Variants in ACO1 observed in about 807,000 individuals in gnomAD.
ACO1 encodes the protein aconitase 1.
ACO1 carries 78 observed loss-of-function variants against 105.1 expected under a neutral mutation model. The observed-to-expected ratio is 0.74, with a 90% confidence interval of 0.62 to 0.90. The LOEUF (loss-of-function observed/expected upper bound fraction) is 0.90. Among genes scored for constraint, ACO1 ranks in the 40% least tolerant of loss-of-function variants. ACO1 has a pLI of 0.00. For missense variants in ACO1, 965 were observed against 1,111.1 expected (o/e 0.87, Z 1.87); for synonymous variants, 364 against 397.4 (o/e 0.92, Z 1.00).
At chr9:32,392,412 T>G (rs1055652346) in intron 1 of ACO1, among the ~76,000 whole-genome samples, 1 of 152,188 alleles carries the variant, frequency 6.6e-6, no homozygotes, top group Admixed American at 6.5e-5. Context: ...GGAATTGGAT[T>G]AGATGCCTGG....
intron 19 of ACO1, among the ~76,000 whole-genome samples, chr9:32,444,595 A>C (rs1015344244): frequency 6.6e-6 from 1 of 151,822 alleles, no homozygotes; most frequent in Non-Finnish European, 1.5e-5. Flanking sequence ...GCATTTTTTC[A>C]TATGTTTGTT....
chr9:32,411,497 G>A (rs1012953638), intron 4 of ACO1, among the ~76,000 whole-genome samples: 1 of 152,206 alleles, frequency 6.6e-6, no homozygotes, highest in East Asian at 1.9e-4. Context: ...GAAAAATATG[G>A]CAAAGTGTTA....
intron 1 of ACO1, among the ~76,000 whole-genome samples, chr9:32,392,735 G>A (rs1008710529): frequency 2.6e-5 from 4 of 152,162 alleles, no homozygotes; most frequent in African/African-American, 9.7e-5. Flanking sequence ...CATAACTGTT[G>A]CGGGAGGTCA....
At chr9:32,404,276 C>A (rs1406398711) in intron 1 of ACO1, among the ~76,000 whole-genome samples, 1 of 152,188 alleles carries the variant, frequency 6.6e-6, no homozygotes. Context: ...AGATTTCCCC[C>A]CATTCACCCA....
intron 17 of ACO1, chr9:32,435,854 C>T (rs1457667095): frequency 1.8e-5 from 6 of 342,756 alleles, no homozygotes; most frequent in Non-Finnish European, 2.9e-5. Context: ...TTTGTGGCTC[C>T]ATCTGATTTG....
chr9:32,414,840 C>T (rs1471021973), intron 4 of ACO1, among the ~76,000 whole-genome samples: 9 of 152,138 alleles, frequency 5.9e-5, no homozygotes, highest in Non-Finnish European at 2.9e-5. Context: ...ATCCATTTAG[C>T]AGATCTATTA....
intron 7 of ACO1, among the ~76,000 whole-genome samples, chr9:32,420,616 A>C (rs1821951606): frequency 6.6e-6 from 1 of 152,218 alleles, no homozygotes; most frequent in South Asian, 2.1e-4. Context: ...TCTTAACTAC[A>C]GACTTTACCA....
intron 9 of ACO1, 148 bp downstream of exon 9, chr9:32,423,567 C>A: frequency 1.5e-6 from 1 of 656,278 alleles, no homozygotes; most frequent in African/African-American, 1.9e-5. Flanking sequence ...GTTGAAAAAC[C>A]AAAAGGATAA....
rs1822750288 is a variant in ACO1, at chr9:32,450,807, G to GAATGAAATGAAATCTATTTT, written c.*697_*716dup. 1 of 152,116 alleles carries GAATGAAATGAAATCTATTTT rather than the reference G, an allele frequency of 6.6e-6. No homozygotes were observed. The highest frequency in any genetic ancestry group is 1.5e-5 in the Non-Finnish European group (1 of 68,022). The allele number at this position is 152,116 out of a possible 1,614,324, so 9.4% of individuals were successfully genotyped here. On this transcript the variant is annotated 3_prime_UTR_variant, in exon 21 of 21. Transcript: ENST00000309951. ...GTTTGGGAGAACACATTTCTAATTT[G>GAATGAAATGAAATCTATTTT]AATGAAATGAAATCTATTTTCAGTG...
chr9:32,411,045 AG>A (rs1378344537), intron 4 of ACO1, among the ~76,000 whole-genome samples: 1 of 152,104 alleles, frequency 6.6e-6, no homozygotes. Flanking sequence ...GAAAACACAC[AG>A]TATCTCTAAG....
At chr9:32,386,647 C>T (rs1247258927) in intron 1 of ACO1, among the ~76,000 whole-genome samples, 2 of 152,140 alleles carry the variant, frequency 1.3e-5, no homozygotes, top group African/African-American at 4.8e-5. Flanking sequence ...TGCACATGAG[C>T]GTGTTGTGTG....
intron 1 of ACO1, among the ~76,000 whole-genome samples, chr9:32,401,066 T>G (rs1821485207): frequency 6.6e-6 from 1 of 152,160 alleles, no homozygotes; most frequent in Non-Finnish European, 1.5e-5. Context: ...ATCTTGAATC[T>G]GAGTAAGGGA....
At position 32,407,376 on chromosome 9, in the gene ACO1, C is replaced by G. The variant is rs757649438; in HGVS notation, c.213C>G (p.His71Gln). The change falls in exon 3 of 21, where the codon CAC (histidine) becomes CAG (glutamine). Residue 71 changes from histidine to glutamine, a missense_variant. Transcript: ENST00000309951. ...TTCTACATTGGAATGTCACGCAGCA[C>G]AAGAACATAGAAGTGCCATTTAAGC... ...ENILHWNVTQ[H>Q]KNIEVPFKPA... 1 of 1,613,990 alleles carries G rather than the reference C, an allele frequency of 6.2e-7. No individual in the cohort carries two copies. The highest frequency in any genetic ancestry group is 1.3e-5 in the African/African-American group (1 of 74,910).
intron 4 of ACO1, among the ~76,000 whole-genome samples, chr9:32,414,027 T>C (rs1489783164): frequency 6.6e-6 from 1 of 152,094 alleles, no homozygotes; most frequent in Non-Finnish European, 1.5e-5. Context: ...CAGGCGCCTG[T>C]AGTCCCAGCT....
At chr9:32,393,894 A>G (rs1285213002) in intron 1 of ACO1, among the ~76,000 whole-genome samples, 2 of 152,126 alleles carry the variant, frequency 1.3e-5, no homozygotes, top group Non-Finnish European at 1.5e-5. Context: ...CCTGCCTCCC[A>G]GACACCAGTC....
At chr9:32,438,304 A>G (rs1054718420) in intron 18 of ACO1, among the ~76,000 whole-genome samples, 4 of 152,192 alleles carry the variant, frequency 2.6e-5, no homozygotes, top group Admixed American at 6.5e-5. Context: ...AAAGCCCTCA[A>G]TACCTTCCTT....
chr9:32,426,991 TAAA>T (rs1822114128), intron 11 of ACO1, among the ~76,000 whole-genome samples: 5 of 151,774 alleles, frequency 3.3e-5, no homozygotes, highest in African/African-American at 1.2e-4. Flanking sequence ...AAAAAAAAAT[TAAA>T]AACTCATTTT....
At chr9:32,399,966 G>GTTTTTTTTTTTTTTTTTTTTTTT (rs57615512) in intron 1 of ACO1, among the ~76,000 whole-genome samples, 3 of 69,844 alleles carry the variant, frequency 4.3e-5, no homozygotes, top group East Asian at 5.1e-4. Context: ...TTCTTTTTCT[G>GTTTTTTTTTTTTTTTTTTTTTTT]TTTTTTTTTT....
chr9:32,446,831 C>T (rs1436952296), intron 19 of ACO1, among the ~76,000 whole-genome samples: 1 of 152,126 alleles, frequency 6.6e-6, no homozygotes, highest in African/African-American at 2.4e-5. Flanking sequence ...TTTTATGTCT[C>T]CTTAACATAT....
Sources: gnomAD v4.1 joint callset for allele counts (sites outside exome capture counted in the v4.1 genomes callset) on GRCh38, gnomAD v4.1.1 for gene constraint, MANE v1.5 for transcripts, NCBI Gene and HGNC (gene_info 2026-07-23, HGNC 2026-07-21) for gene names.